Variants in CLEC2A observed in about 807,000 individuals in gnomAD.
The protein encoded by CLEC2A is C-type lectin domain family 2 member A.
A neutral mutation model predicts 18.6 loss-of-function variants in CLEC2A; 19 were observed. That is an observed-to-expected ratio of 1.02 (90% CI 0.71 to 1.50). The LOEUF (loss-of-function observed/expected upper bound fraction) is 1.50, where lower values mean the gene tolerates loss of function less well. Ranked by LOEUF, CLEC2A falls within the 40% of genes most tolerant of loss-of-function variation. The pLI is 0.00. For synonymous variants in CLEC2A, 74 were observed against 64.0 expected (o/e 1.16, Z -0.75); for missense variants, 190 against 207.9 (o/e 0.91, Z 0.53).
At chr12:9,881,765 T>C in the CLEC2A span, 8 of 848,806 alleles carry the variant, frequency 9.4e-6, no homozygotes, top group Non-Finnish European at 1.1e-5. Flanking sequence ...TTGATCATAA[T>C]AAGGAATATA....
At chr12:9,918,180 A>G (rs1302533941) in intron 3 of CLEC2A, among the ~76,000 whole-genome samples, 2 of 152,136 alleles carry the variant, frequency 1.3e-5, no homozygotes, top group Admixed American at 6.5e-5. Context: ...GCCTGTTTCA[A>G]TGTCCAGGAT....
downstream of CLEC2A, among the ~76,000 whole-genome samples, chr12:9,894,928 A>G (rs998842484): frequency 1.6e-4 from 24 of 152,186 alleles, no homozygotes; most frequent in Non-Finnish European, 8.8e-5. Context: ...AAAAGCTTTT[A>G]TCTTATCATT....
chr12:9,899,137 T>C (rs1366251097), intron 4 of CLEC2A, among the ~76,000 whole-genome samples: 1 of 151,520 alleles, frequency 6.6e-6, no homozygotes, highest in African/African-American at 2.4e-5. Flanking sequence ...AAAAAAAAAT[T>C]ACCCTTTTGC....
intron 4 of CLEC2A, among the ~76,000 whole-genome samples, chr12:9,902,208 G>A (rs1862839408): frequency 6.7e-6 from 1 of 149,556 alleles, no homozygotes; most frequent in South Asian, 2.1e-4. Context: ...CTTTAATTGA[G>A]TGCTAAGTGT....
chr12:9,886,763 CAAAAAAA>C, the CLEC2A span, among the ~76,000 whole-genome samples: 9 of 103,518 alleles, frequency 8.7e-5, no homozygotes, highest in African/African-American at 2.6e-4. Flanking sequence ...CTATATCATG[CAAAAAAA>C]AAAAAAAAAA....
chr12:9,913,015 C>T (rs572798759), downstream of CLEC2A, among the ~76,000 whole-genome samples: 385 of 152,312 alleles, frequency 2.5e-3, no homozygotes, highest in Non-Finnish European at 3.6e-3. Context: ...TTTGATACAA[C>T]CTTTGAATGC....
the CLEC2A span, among the ~76,000 whole-genome samples, chr12:9,881,324 C>T: frequency 6.6e-6 from 1 of 152,136 alleles, no homozygotes; most frequent in Non-Finnish European, 1.5e-5. Context: ...CACACAAGTC[C>T]ATTTGTTGAA....
intron 1 of CLEC2A, among the ~76,000 whole-genome samples, chr12:9,926,716 G>A (rs980838742): frequency 2.6e-5 from 4 of 152,030 alleles, no homozygotes; most frequent in Admixed American, 6.6e-5. Flanking sequence ...AGATATATAA[G>A]GCAATAGGAT....
At chr12:9,922,979 G>T (rs972454193) in intron 2 of CLEC2A, among the ~76,000 whole-genome samples, 1 of 152,066 alleles carries the variant, frequency 6.6e-6, no homozygotes, top group Non-Finnish European at 1.5e-5. Flanking sequence ...ACTACACAGG[G>T]TGTAAGATAT....
At chr12:9,930,380 C>T (rs1863355151) in intron 1 of CLEC2A, among the ~76,000 whole-genome samples, 1 of 152,072 alleles carries the variant, frequency 6.6e-6, no homozygotes, top group Non-Finnish European at 1.5e-5. Flanking sequence ...TGAATTATTT[C>T]CATAATGTTT....
In CLEC2A at chr12:9,899,027, G is replaced by A. The variant is rs59516064; in HGVS notation, c.411-51C>T. On this transcript the variant is annotated intron_variant, in intron 4 of 4. Coordinates refer to the CLEC2A transcript ENST00000339766. The stretch of plus-strand genomic sequence containing the variant: ...ATTATTAGAAAACATATATCAAAAC[G>A]AAACAAAACAAGGGGAGGAGTAAGA... 242 of 693,560 alleles carry A rather than the reference G, an allele frequency of 3.5e-4. No homozygotes were observed. In the African/African-American group the frequency reaches 3.5e-3, roughly 10 times the overall value. The allele number at this position is 693,560 out of a possible 1,614,324, so 43.0% of individuals were successfully genotyped here.
rs61747889 is a variant in CLEC2A at position 9,922,177 on chromosome 12, C to T, written c.195G>A (p.Val65=). 22,576 of 1,550,864 alleles carry T rather than the reference C, an allele frequency of 0.015. 223 individuals are homozygous for T. Among genetic ancestry groups the T allele is most frequent in the Middle Eastern group, 0.017 (100 of 5,990 alleles). Residue 65 remains valine (V), a synonymous_variant, in exon 3 of 5, where the codon GTG becomes GTA. Transcript: ENST00000455827. ...CAGAAAAATAGAAACACTTATCTCT[C>T]ACTCCAAGCCAGTCCCCTGAACATG... ...PVACSGDWLG[V]RDKCFYFSDD...
chr12:9,927,261 A>T (rs1863289933), intron 1 of CLEC2A, among the ~76,000 whole-genome samples: 1 of 152,228 alleles, frequency 6.6e-6, no homozygotes, highest in Non-Finnish European at 1.5e-5. Flanking sequence ...GGCAATTATA[A>T]CACAATGCTA....
chr12:9,887,033 A>G, the CLEC2A span, among the ~76,000 whole-genome samples: 1 of 152,174 alleles, frequency 6.6e-6, no homozygotes, highest in East Asian at 1.9e-4. Flanking sequence ...ATAAATAAAT[A>G]TAAGAGGATA....
chr12:9,908,915 T>C (rs527441572), downstream of CLEC2A, among the ~76,000 whole-genome samples: 20 of 152,292 alleles, frequency 1.3e-4, no homozygotes, highest in Admixed American at 1.2e-3. Context: ...TGGAGCCCCC[T>C]GTTGATAGGT....
the CLEC2A span, among the ~76,000 whole-genome samples, chr12:9,884,745 C>T: frequency 6.6e-6 from 1 of 151,100 alleles, no homozygotes; most frequent in African/African-American, 2.4e-5. Flanking sequence ...TCAGTACAAT[C>T]CAAAACGTTT....
At chr12:9,895,686 T>C, downstream of CLEC2A, 1 of 1,522,656 alleles carries the variant, frequency 6.6e-7, no homozygotes, top group Non-Finnish European at 8.7e-7. Context: ...CTTTGTCTCT[T>C]AGGTTTTCAG....
the CLEC2A span, among the ~76,000 whole-genome samples, chr12:9,887,276 G>A: frequency 6.6e-6 from 1 of 152,042 alleles, no homozygotes; most frequent in Non-Finnish European, 1.5e-5. Flanking sequence ...AGAAAGAGAT[G>A]ATAGATTAGA....
chr12:9,919,525 G>C (rs571262025), intron 3 of CLEC2A, among the ~76,000 whole-genome samples: 48 of 152,306 alleles, frequency 3.2e-4, no homozygotes, highest in Non-Finnish European at 4.3e-4. Context: ...CAGAGGCAGT[G>C]GCAGAGAGGT....
Sources: allele counts gnomAD v4.1 joint callset (sites outside exome capture counted in the v4.1 genomes callset), GRCh38; gene constraint gnomAD v4.1.1; transcripts MANE v1.5; gene names NCBI Gene and HGNC (gene_info 2026-07-23, HGNC 2026-07-21).